HNRNPUL2: variants seen among roughly 807,000 people sequenced by gnomAD.
HNRNPUL2 encodes the protein heterogeneous nuclear ribonucleoprotein U like 2, also known as heterogeneous nuclear ribonucleoprotein U-like protein 2.
HNRNPUL2 carries 27 observed loss-of-function variants against 102.2 expected under a neutral mutation model. The observed-to-expected ratio is 0.26, with a 90% CI of 0.19 to 0.36. HNRNPUL2 has a LOEUF of 0.36. Ranked by LOEUF, HNRNPUL2 falls within the 10% of genes least tolerant of loss-of-function variation. The pLI is 1.00. For synonymous variants in HNRNPUL2, 458 were observed against 387.2 expected (o/e 1.18, Z -2.15); for missense variants, 936 against 981.1 (o/e 0.95, Z 0.61).
At chr11:62,721,679 C>T in intron 8 of HNRNPUL2, 141 bp downstream of exon 8, 1 of 1,075,810 alleles carries the variant, frequency 9.3e-7, no homozygotes, top group South Asian at 1.6e-5. Flanking sequence ...AAAATCAATC[C>T]ACCTAAAACG....
At chr11:62,723,017 C>T in intron 4 of HNRNPUL2, 114 bp from the exon 5 acceptor site, 1 of 724,696 alleles carries the variant, frequency 1.4e-6, no homozygotes, top group Non-Finnish European at 2.4e-6. Flanking sequence ...CTCAACTCAA[C>T]ATCAGAATAA....
In HNRNPUL2 at chr11:62,715,116, T is replaced by C. The variant is rs974722885; in HGVS notation, c.*183A>G. Reference sequence around the variant, plus strand: ...AAACTTTAAAAAAAATGTACAGTTTTGTTGTTTGTTTCCACCTCCCCCCTC... The same window carrying C: ...AAACTTTAAAAAAAATGTACAGTTTCGTTGTTTGTTTCCACCTCCCCCCTC... On this transcript the variant is annotated 3_prime_UTR_variant, in exon 14 of 14. Transcript: ENST00000301785. The C allele has an allele frequency of 3.6e-6, 2 of 549,984 alleles. No homozygotes were observed. Among genetic ancestry groups the C allele is most frequent in the East Asian group, 5.9e-5 (2 of 33,654 alleles). The allele number at this position is 549,984 out of a possible 1,614,324, so 34.1% of individuals were successfully genotyped here. A position where few individuals can be genotyped will look rare whatever the true frequency, so the allele number is the denominator to read the frequency against.
rs1258066231 is a variant in HNRNPUL2, at chr11:62,726,543, C to T, written c.538+76G>A. On this transcript the variant is annotated intron_variant, in intron 1 of 13. Transcript: ENST00000301785. ...GCAAGCGAGAACAAGGACTCGGACC[C>T]TGCGGTGCAGGGCGGGGTGCTAGAT... 13 of 1,385,750 alleles carry T rather than the reference C, an allele frequency of 9.4e-6. No homozygotes were observed. In the East Asian group the frequency reaches 3.2e-4, roughly 34 times the overall value. 85.8% of individuals were successfully genotyped at this position (1,385,750 alleles called of 1,614,324 possible).
intron 6 of HNRNPUL2, 66 bp from the exon 7 acceptor site, chr11:62,722,446 T>C: frequency 6.4e-7 from 1 of 1,553,042 alleles, no homozygotes; most frequent in Middle Eastern, 1.7e-4. Flanking sequence ...AACTTTACAA[T>C]TTATTCTTTT....
chr11:62,716,262 C>CA, intron 11 of HNRNPUL2, among the ~76,000 whole-genome samples: 1 of 152,192 alleles, frequency 6.6e-6, no homozygotes. Flanking sequence ...ATCAGACTTT[C>CA]AGCCCTGGAA....
intron 12 of HNRNPUL2, 114 bp from the exon 13 acceptor site, chr11:62,715,721 T>C: frequency 1.7e-6 from 2 of 1,157,898 alleles, no homozygotes; most frequent in Admixed American, 1.8e-5. Context: ...ATTGGTTTAA[T>C]TTTCCCATAG....
At chr11:62,724,630 A>G (rs1016506068) in intron 1 of HNRNPUL2, among the ~76,000 whole-genome samples, 1 of 152,186 alleles carries the variant, frequency 6.6e-6, no homozygotes, top group African/African-American at 2.4e-5. Flanking sequence ...AAGGGGCATT[A>G]TGGGCTAATT....
chr11:62,726,232 A>G (rs1590902093), intron 1 of HNRNPUL2, among the ~76,000 whole-genome samples: 1 of 152,176 alleles, frequency 6.6e-6, no homozygotes, highest in African/African-American at 2.4e-5. Flanking sequence ...TAGGTCAGGT[A>G]GCCCAAAGAC....
chr11:62,727,250 C>A lies in HNRNPUL2; in HGVS notation c.-94G>T, dbSNP rs535316033. ...CAGGCGCCGCCGCCGCCGCCCGCCT[C>A]CGCCTCACGCGCCAGCACTGAGCCC... is the stretch of plus-strand genomic sequence containing the variant. On this transcript the variant is annotated 5_prime_UTR_variant, in exon 1 of 14. Coordinates refer to ENST00000301785, the MANE Select transcript of HNRNPUL2 (RefSeq NM_001079559.3). The A allele has an allele frequency of 5.4e-6, 7 of 1,298,638 alleles. No individual in the cohort carries two copies. In the East Asian group the frequency reaches 2.3e-4, roughly 44 times the overall value. 80.4% of individuals were successfully genotyped at this position (1,298,638 alleles called of 1,614,324 possible). A position where few individuals can be genotyped will look rare whatever the true frequency, so the allele number is the denominator to read the frequency against.
chr11:62,723,852 A>C, intron 3 of HNRNPUL2, 62 bp downstream of exon 3: 3 of 1,598,602 alleles, frequency 1.9e-6, no homozygotes, highest in Non-Finnish European at 2.6e-6. Context: ...ATGAAGTTTT[A>C]ATCTCCAAAA....
chr11:62,721,371 A>G lies in HNRNPUL2; in HGVS notation c.1535T>C (p.Val512Ala). The G allele has an allele frequency of 6.2e-7, 1 of 1,610,572 alleles. No homozygotes were observed. Among genetic ancestry groups the G allele is most frequent in the Non-Finnish European group, 8.5e-7 (1 of 1,178,870 alleles). Residue 512 changes from valine to alanine, a missense_variant, in exon 9 of 14, where the codon GTT becomes GCT. By Grantham distance (64) the Val-to-Ala change is moderately conservative. Transcript: ENST00000301785. ...ACTAAGGCACTGGGAGGCTTGCTGA[A>G]CTAAAAGGTCTCGGCTTTTGGGGTC... The part of the protein sequence containing the change: ...EMDPKSRDLL[V>A]QQASQCLSKL...
Position 62,721,321 on chromosome 11 carries a change from T to C in HNRNPUL2, c.1585A>G (p.Thr529Ala), listed in dbSNP as rs753853838. The C allele has an allele frequency of 1.0e-5, 16 of 1,607,874 alleles. No individual in the cohort carries two copies. The South Asian group carries it at 1.7e-4, about 17-fold the overall frequency. Residue 529 changes from threonine to alanine, a missense_variant, in exon 9 of 14, where the codon ACA becomes GCA. Coordinates refer to ENST00000301785, the MANE Select transcript of HNRNPUL2 (RefSeq NM_001079559.3). ...TGATCAAGAATAAAGTTCCTCTTTGTCCGGGAAGCAATCTGGACCAGCTTA... is the reference window on the plus strand; with the variant it reads ...TGATCAAGAATAAAGTTCCTCTTTGCCCGGGAAGCAATCTGGACCAGCTTA... Reference protein sequence around the residue: ...LSKLVQIASRTKRNFILDQCN... With the variant: ...LSKLVQIASRAKRNFILDQCN...
intron 1 of HNRNPUL2, among the ~76,000 whole-genome samples, 183 bp from the exon 2 acceptor site, chr11:62,724,609 ATT>A: frequency 6.6e-6 from 1 of 152,244 alleles, no homozygotes; most frequent in East Asian, 1.9e-4. Context: ...CTGTGATTTA[ATT>A]TTTTTAAAAA....
rs2083644079 is a variant in HNRNPUL2, at chr11:62,714,522, A to G, written c.*777T>C. 4 of 152,134 alleles carry G rather than the reference A, an allele frequency of 2.6e-5. No individual in the cohort carries two copies. The highest frequency in any genetic ancestry group is 4.1e-4 in the South Asian group (2 of 4,830). 9.4% of individuals were successfully genotyped at this position (152,134 alleles called of 1,614,324 possible). On this transcript the variant is annotated 3_prime_UTR_variant, in exon 14 of 14. Coordinates refer to ENST00000301785, the MANE Select transcript of HNRNPUL2 (RefSeq NM_001079559.3). ...CCCAAGATTTTACAGGAATTAATCA[A>G]TGGGTCTATAGAAGGGGCAGGCTAT...
intron 9 of HNRNPUL2, among the ~76,000 whole-genome samples, chr11:62,720,941 CTTCTTTAACTT>C (rs1435627876): frequency 1.3e-5 from 2 of 150,094 alleles, no homozygotes; most frequent in African/African-American, 4.9e-5. Flanking sequence ...TACACATGAT[CTTCTTTAACTT>C]TTCAAACTAC....
rs1346713902 is a variant in HNRNPUL2, at chr11:62,714,097, ACT to A, written c.*1200_*1201del. 1 of 148,458 alleles carries A rather than the reference ACT, an allele frequency of 6.7e-6. No individual in the cohort carries two copies. Among genetic ancestry groups the A allele is most frequent in the African/African-American group, 2.5e-5 (1 of 40,014 alleles). The allele number at this position is 148,458 out of a possible 1,614,324, so 9.2% of individuals were successfully genotyped here. A position where few individuals can be genotyped will look rare whatever the true frequency, so the allele number is the denominator to read the frequency against. ...CACATTTACACACGTTCACACTCAC[ACT>A]CTTCCCAAGGTTCAGCAGCCCCACT... On this transcript the variant is annotated 3_prime_UTR_variant, in exon 14 of 14. Transcript: ENST00000301785.
chr11:62,721,978 A>G, intron 7 of HNRNPUL2, 36 bp from the exon 8 acceptor site: 1 of 1,612,248 alleles, frequency 6.2e-7, no homozygotes, highest in Non-Finnish European at 8.5e-7. Context: ...AATGAAAAAT[A>G]AATGAGGGTC....
At chr11:62,726,493 G>A (rs1740597999) in intron 1 of HNRNPUL2, 126 bp downstream of exon 1, 5 of 941,438 alleles carry the variant, frequency 5.3e-6, no homozygotes, top group South Asian at 1.9e-5. Context: ...AGAATGAAAG[G>A]AGTTCCATCA....
intron 4 of HNRNPUL2, among the ~76,000 whole-genome samples, chr11:62,723,282 G>A (rs1357632021): frequency 2.6e-5 from 4 of 152,062 alleles, no homozygotes; most frequent in African/African-American, 4.8e-5. Flanking sequence ...ACCTGAGGTC[G>A]GGAGTTCAAG....
Sources: allele counts gnomAD v4.1 joint callset (sites outside exome capture counted in the v4.1 genomes callset), GRCh38; gene constraint gnomAD v4.1.1; transcripts MANE v1.5; gene names NCBI Gene and HGNC (gene_info 2026-07-23, HGNC 2026-07-21).